Variants in CCDC74A observed in about 807,000 individuals in gnomAD.
CCDC74A encodes coiled-coil domain containing 74A, also known as coiled-coil domain-containing protein 74A.
In CCDC74A, 38 loss-of-function variants were observed where a neutral mutation model predicts 37.6. That is an observed-to-expected ratio of 1.01 (90% CI 0.78 to 1.33). CCDC74A has a LOEUF of 1.33. Among genes scored for constraint, CCDC74A ranks in the 40% most tolerant of loss-of-function variants. The pLI, the probability that CCDC74A is intolerant of heterozygous loss-of-function variation, is 0.00. For synonymous variants in CCDC74A, 134 were observed against 165.2 expected (o/e 0.81, Z 1.45); for missense variants, 340 against 403.4 (o/e 0.84, Z 1.35).
intron 1 of CCDC74A, chr2:131,529,424 G>C (rs1203097949): frequency 1.4e-6 from 1 of 695,452 alleles, no homozygotes; most frequent in Non-Finnish European, 2.6e-6. Flanking sequence ...GGATGAGGCC[G>C]ATATGCCCGG....
chr2:131,529,675 G>C lies in CCDC74A; in HGVS notation c.279G>C (p.Gln93His). 2 of 1,614,034 alleles carry C rather than the reference G, an allele frequency of 1.2e-6. No homozygotes were observed. Among genetic ancestry groups the C allele is most frequent in the African/African-American group, 1.3e-5 (1 of 75,062 alleles). Residue 93 changes from glutamine to histidine, a missense_variant, in exon 2 of 8, where the codon CAG becomes CAC. By Grantham distance (24) the Gln-to-His change is conservative (BLOSUM62 0). This residue lies in a region of CCDC74A where 154 missense variants were observed against 153.9 expected (regional missense o/e 1.00). Transcript: ENST00000409856. Reference protein sequence around the residue: ...KDLHYKLIMNQTSQKKDSLSM... With the variant: ...KDLHYKLIMNHTSQKKDSLSM... ...TCCATTACAAGCTCATAATGAATCA[G>C]ACATCACAGAAGAAAGGTGAGAACT...
upstream of CCDC74A, among the ~76,000 whole-genome samples, chr2:131,524,800 C>T (rs1350833489): frequency 4.0e-5 from 6 of 150,238 alleles, no homozygotes; most frequent in East Asian, 1.9e-4. Flanking sequence ...GTGGCTCATA[C>T]CTGTAATTTC....
At chr2:131,526,484 T>C (rs1268119575), upstream of CCDC74A, among the ~76,000 whole-genome samples, 1 of 152,212 alleles carries the variant, frequency 6.6e-6, no homozygotes, top group Non-Finnish European at 1.5e-5. Flanking sequence ...GAATGTCTAC[T>C]TCTCTGTTCC....
chr2:131,522,625 C>T, the CCDC74A span, among the ~76,000 whole-genome samples: 2 of 152,174 alleles, frequency 1.3e-5, no homozygotes, highest in Non-Finnish European at 2.9e-5. Context: ...CTGACACCAC[C>T]CCTGCCCCTT....
Position 131,527,985 on chromosome 2 carries a change from G to A in CCDC74A, c.15G>A (p.Gly5=). 1.4e-6 allele frequency: 2 copies of A among 1,457,466 alleles called. No homozygotes were observed. Among genetic ancestry groups the A allele is most frequent in the Non-Finnish European group, 9.0e-7 (1 of 1,105,954 alleles). The allele number at this position is 1,457,466 out of a possible 1,614,324, so 90.3% of individuals were successfully genotyped here. Reference sequence around the variant, plus strand: ...GCGATGGCGATATGAGCGGTGCGGGGGTGGCGGCTGGGACGCGGCCCCCCA... The same window carrying A: ...GCGATGGCGATATGAGCGGTGCGGGAGTGGCGGCTGGGACGCGGCCCCCCA... MSGA[G]VAAGTRPPSS... Residue 5 remains glycine, a synonymous_variant, in exon 1 of 8, where the codon GGG becomes GGA. Transcript: ENST00000409856.
chr2:131,530,258 C>A (rs1411553411), intron 2 of CCDC74A: 10 of 1,545,142 alleles, frequency 6.5e-6, no homozygotes, highest in Non-Finnish European at 8.7e-6. Flanking sequence ...GGGCTGTGGT[C>A]TCAAGCTCAC....
rs202147521 is a variant in CCDC74A at position 131,531,847 on chromosome 2, T to G, written c.485+45T>G. ...GGGGTGCAAGGGCAGGCCAGGTAAG[T>G]CTTGCCTGCACCCTAAGGGCCCCAT... is the stretch of plus-strand genomic sequence containing the variant. On this transcript the variant is annotated intron_variant, in intron 4 of 7. Transcript: ENST00000409856. The G allele has an allele frequency of 2.5e-3, 3,787 of 1,539,922 alleles. 24 individuals are homozygous for G. The highest frequency in any genetic ancestry group is 3.1e-3 in the Non-Finnish European group (3,542 of 1,150,186).
chr2:131,523,206 A>T (rs527721254), upstream of CCDC74A, among the ~76,000 whole-genome samples: 32 of 152,310 alleles, frequency 2.1e-4, no homozygotes, highest in Non-Finnish European at 2.6e-4. Flanking sequence ...CGCTGGAGAG[A>T]GGCCTCTTAT....
intron 7 of CCDC74A, 30 bp from the exon 8 acceptor site, chr2:131,533,239 T>C (rs943523715): frequency 1.6e-5 from 25 of 1,611,634 alleles, no homozygotes; most frequent in Non-Finnish European, 1.9e-5. Context: ...CCGGGGATGC[T>C]CACGGTGACA....
chr2:131,524,700 ACCT>A (rs943937527), upstream of CCDC74A, among the ~76,000 whole-genome samples: 5 of 151,302 alleles, frequency 3.3e-5, no homozygotes, highest in African/African-American at 1.2e-4. Context: ...ATGGATCAGC[ACCT>A]CCTCCTGCCT....
chr2:131,527,919 G>A lies in CCDC74A; in HGVS notation c.-52G>A. 2.1e-6 allele frequency: 3 copies of A among 1,407,672 alleles called. No homozygotes were observed. The highest frequency in any genetic ancestry group is 1.9e-6 in the Non-Finnish European group (2 of 1,078,654). 87.2% of individuals were successfully genotyped at this position (1,407,672 alleles called of 1,614,324 possible). On this transcript the variant is annotated 5_prime_UTR_variant, in exon 1 of 8. The change creates a premature stop within an existing upstream ORF in the 5' untranslated region. Transcript: ENST00000409856. ...ACGGGGCGCCAGGCTAGGGCGGCCT[G>A]GCCACTGAGCCGGGGTGCAGTGGCA...
At chr2:131,532,511 T>C (rs1365931464) in intron 4 of CCDC74A, 78 bp from the exon 5 acceptor site, 90 of 1,481,384 alleles carry the variant, frequency 6.1e-5, no homozygotes, top group Non-Finnish European at 7.6e-5. Flanking sequence ...GCCTGGGCGC[T>C]GCCTGGGGAG....
chr2:131,530,277 A>G, intron 2 of CCDC74A: 3 of 1,543,508 alleles, frequency 1.9e-6, no homozygotes, highest in Non-Finnish European at 1.7e-6. Flanking sequence ...ACTTCCCATT[A>G]TCTTTGGGGC....
chr2:131,527,783 C>T (rs1812767), upstream of CCDC74A: 11 of 693,558 alleles, frequency 1.6e-5, no homozygotes, highest in East Asian at 3.2e-5. Flanking sequence ...GCGTGAGCCC[C>T]GGCGCCCAGC....
At chr2:131,523,053 C>T (rs1476787776), upstream of CCDC74A, among the ~76,000 whole-genome samples, 2 of 152,124 alleles carry the variant, frequency 1.3e-5, no homozygotes, top group African/African-American at 4.8e-5. Context: ...TACAGGCATG[C>T]GCCACCGCAC....
upstream of CCDC74A, among the ~76,000 whole-genome samples, chr2:131,523,637 A>T (rs1573505317): frequency 1.3e-5 from 2 of 151,790 alleles, no homozygotes; most frequent in South Asian, 2.1e-4. Flanking sequence ...AATAAATAAA[A>T]AATAAAAGTG....
chr2:131,529,745 C>A (rs977485686), intron 2 of CCDC74A, 54 bp downstream of exon 2: 1 of 1,600,500 alleles, frequency 6.2e-7, no homozygotes. Context: ...CCCAGGGGAG[C>A]CCCTCCAGAC....
chr2:131,523,809 G>A (rs551185168), upstream of CCDC74A, among the ~76,000 whole-genome samples: 34 of 152,082 alleles, frequency 2.2e-4, no homozygotes, highest in South Asian at 1.5e-3. Flanking sequence ...CACCCCACCC[G>A]AAAACCTCAG....
chr2:131,533,075 T>C lies in CCDC74A; in HGVS notation c.809+6T>C. ...AAGAGCCTCTCCAAGAAATGGTAAG[T>C]CCCACAGGCATGGGGACAGTGGGGC... On this transcript the variant is annotated splice_donor_region_variant and intron_variant, in intron 7 of 7. Transcript: ENST00000409856. 1.2e-6 allele frequency: 2 copies of C among 1,613,618 alleles called. No individual in the cohort carries two copies. The highest frequency in any genetic ancestry group is 1.7e-6 in the Non-Finnish European group (2 of 1,179,794).
Sources: gnomAD v4.1 joint callset for allele counts (sites outside exome capture counted in the v4.1 genomes callset) on GRCh38, gnomAD v4.1.1 for gene constraint, gnomAD v4.1.1 regional missense constraint, MANE v1.5 for transcripts, NCBI Gene and HGNC (gene_info 2026-07-23, HGNC 2026-07-21) for gene names.